The following DAP variants were observed in gnomAD, a reference collection of about 807,000 sequenced individuals.
DAP encodes the protein death-associated protein 1.
A neutral mutation model predicts 13.8 loss-of-function variants in DAP; 8 were observed. The ratio of observed to expected loss-of-function variants is 0.58; its 90% CI spans 0.34 to 1.05. The LOEUF is 1.05. Among genes scored for constraint, DAP ranks in the 50% least tolerant of loss-of-function variants. The pLI, the probability that DAP is intolerant of heterozygous loss-of-function variation, is 0.03. For missense variants in DAP, 106 were observed against 133.2 expected (o/e 0.80, Z 1.01); for synonymous variants, 47 against 47.5 (o/e 0.99, Z 0.04).
chr5:10,739,829 T>C (rs1008195859), intron 2 of DAP, among the ~76,000 whole-genome samples: 16 of 149,602 alleles, frequency 1.1e-4, no homozygotes, highest in African/African-American at 3.3e-4. Context: ...ACGAATGGGT[T>C]TGAACAGAAA....
At chr5:10,760,609 C>T in intron 1 of DAP, among the ~76,000 whole-genome samples, 1 of 152,248 alleles carries the variant, frequency 6.6e-6, no homozygotes. Flanking sequence ...TTAATCATCA[C>T]CATGATATTA....
intron 2 of DAP, among the ~76,000 whole-genome samples, chr5:10,731,004 G>T (rs1433213478): frequency 1.1e-5 from 1 of 87,126 alleles, no homozygotes; most frequent in Non-Finnish European, 2.3e-5. Flanking sequence ...AGCCCTGGTG[G>T]GGGGGAATCT....
At chr5:10,697,104 C>A (rs936818876) in intron 2 of DAP, among the ~76,000 whole-genome samples, 2 of 152,160 alleles carry the variant, frequency 1.3e-5, no homozygotes, top group African/African-American at 4.8e-5. Flanking sequence ...TGGGGGGAAG[C>A]CCGCCTAGGC....
chr5:10,723,788 A>G (rs1405893585), intron 2 of DAP, among the ~76,000 whole-genome samples: 1 of 152,192 alleles, frequency 6.6e-6, no homozygotes, highest in Non-Finnish European at 1.5e-5. Flanking sequence ...ACATGTTATT[A>G]TATGCCATTA....
intron 2 of DAP, among the ~76,000 whole-genome samples, chr5:10,717,637 T>C (rs1739024758): frequency 1.3e-5 from 2 of 152,148 alleles, no homozygotes; most frequent in African/African-American, 4.8e-5. Flanking sequence ...CCAGGCAAGA[T>C]AATGTTGATT....
intron 2 of DAP, among the ~76,000 whole-genome samples, chr5:10,691,096 A>G (rs1360901459): frequency 2.0e-5 from 3 of 152,250 alleles, no homozygotes; most frequent in African/African-American, 7.2e-5. Flanking sequence ...TGTATTGATC[A>G]TTCATTAAAG....
At chr5:10,690,014 C>A (rs955707180) in intron 2 of DAP, among the ~76,000 whole-genome samples, 1 of 152,184 alleles carries the variant, frequency 6.6e-6, no homozygotes, top group Admixed American at 6.5e-5. Flanking sequence ...TGCTCCAGCG[C>A]CCCCATCTGT....
intron 2 of DAP, among the ~76,000 whole-genome samples, chr5:10,686,646 A>G (rs1738162679): frequency 6.6e-6 from 1 of 152,198 alleles, no homozygotes; most frequent in Non-Finnish European, 1.5e-5. Context: ...GAAGGCTAAG[A>G]GAGGTGAGGA....
At chr5:10,697,181 C>G (rs1486813273) in intron 2 of DAP, among the ~76,000 whole-genome samples, 1 of 152,174 alleles carries the variant, frequency 6.6e-6, no homozygotes, top group Non-Finnish European at 1.5e-5. Flanking sequence ...GACGCTAGAT[C>G]AGGCATTGGA....
chr5:10,692,447 G>A (rs1301197549), intron 2 of DAP, among the ~76,000 whole-genome samples: 3 of 152,114 alleles, frequency 2.0e-5, no homozygotes, highest in South Asian at 2.1e-4. Flanking sequence ...AGTGGGGGCC[G>A]CCTGGATGTC....
intron 2 of DAP, among the ~76,000 whole-genome samples, chr5:10,703,307 A>C (rs542368480): frequency 6.6e-6 from 1 of 152,312 alleles, no homozygotes; most frequent in East Asian, 1.9e-4. Flanking sequence ...ACGTAATCCA[A>C]GTGTAGGCTG....
chr5:10,739,081 A>G (rs547665127), intron 2 of DAP, among the ~76,000 whole-genome samples: 1 of 152,038 alleles, frequency 6.6e-6, no homozygotes, highest in Admixed American at 6.5e-5. Flanking sequence ...ATGTGCCTGT[A>G]GTCCCAGCTG....
chr5:10,707,988 T>A lies in DAP; in HGVS notation c.153-24417A>T, dbSNP rs1308934400. Among the ~76,000 whole-genome samples the A allele has an allele frequency of 1.3e-5, 2 of 152,184 alleles. No homozygotes were observed. The highest frequency in any genetic ancestry group is 1.3e-4 in the Admixed American group (2 of 15,284). ...GATGCTACACTGAAGAGCTGAATCA[T>A]CCTTTAATATTAAGTACAAAGGAAT... On this transcript the variant is annotated intron_variant, in intron 2 of 3. Coordinates refer to ENST00000230895, the MANE Select transcript of DAP (RefSeq NM_004394.3). This position sits in a 1 kb window ranked among gnomAD's most constrained non-coding sequence, Gnocchi z 4.0.
intron 2 of DAP, among the ~76,000 whole-genome samples, chr5:10,720,582 T>C (rs541119578): frequency 6.6e-6 from 1 of 152,282 alleles, no homozygotes; most frequent in Non-Finnish European, 1.5e-5. Flanking sequence ...AATGGGCCCA[T>C]GAACAAAGTG....
chr5:10,760,269 C>T (rs1740307736), intron 1 of DAP, among the ~76,000 whole-genome samples: 1 of 152,154 alleles, frequency 6.6e-6, no homozygotes, highest in South Asian at 2.1e-4. Context: ...GGGCCGACTG[C>T]CACTGGAAAG....
chr5:10,689,435 A>AAG (rs1738243159), intron 2 of DAP, among the ~76,000 whole-genome samples: 1 of 152,166 alleles, frequency 6.6e-6, no homozygotes, highest in Non-Finnish European at 1.5e-5. Flanking sequence ...TGCAGCGTCT[A>AAG]AGAGTCCACA....
chr5:10,689,921 G>T (rs1436371300), intron 2 of DAP, among the ~76,000 whole-genome samples: 1 of 152,076 alleles, frequency 6.6e-6, no homozygotes, highest in Non-Finnish European at 1.5e-5. Flanking sequence ...GTCTCTTGGG[G>T]CACAACCAAA....
chr5:10,749,993 T>C (rs1740006529), intron 1 of DAP, among the ~76,000 whole-genome samples: 1 of 152,104 alleles, frequency 6.6e-6, no homozygotes. Flanking sequence ...CTCCTCAGAC[T>C]ATTAAGAAGA....
At chr5:10,742,252 C>T (rs62336771) in intron 2 of DAP, among the ~76,000 whole-genome samples, 9,004 of 152,216 alleles carry the variant, frequency 0.059, 305 homozygotes, top group South Asian at 0.082. Flanking sequence ...CTAACACTAT[C>T]GGCCGGGTGC....
Sources: allele counts gnomAD v4.1 joint callset (sites outside exome capture counted in the v4.1 genomes callset), GRCh38; gene constraint gnomAD v4.1.1; non-coding constraint Gnocchi (gnomAD v3.1); transcripts MANE v1.5; gene names NCBI Gene and HGNC (gene_info 2026-07-23, HGNC 2026-07-21).